PDE1A: variants seen among roughly 807,000 people sequenced by gnomAD.
The protein encoded by PDE1A is phosphodiesterase 1A, also known as dual specificity calcium/calmodulin-dependent 3',5'-cyclic nucleotide phosphodiesterase 1A.
PDE1A carries 35 observed loss-of-function variants against 61.7 expected under a neutral mutation model. The ratio of observed to expected loss-of-function variants is 0.57; its 90% confidence interval spans 0.43 to 0.75. The LOEUF (loss-of-function observed/expected upper bound fraction) is 0.75, where lower values mean the gene tolerates loss of function less well. Ranked by LOEUF, PDE1A falls within the 30% of genes least tolerant of loss-of-function variation. PDE1A has a pLI of 0.00. For synonymous variants in PDE1A, 232 were observed against 213.2 expected (o/e 1.09, Z -0.77); for missense variants, 597 against 630.6 (o/e 0.95, Z 0.57).
chr2:182,469,580 C>A (rs1686895493), intron 2 of PDE1A, among the ~76,000 whole-genome samples: 1 of 151,914 alleles, frequency 6.6e-6, no homozygotes, highest in Non-Finnish European at 1.5e-5. Flanking sequence ...CCTTATAATT[C>A]ATATGTTCAC....
the PDE1A span, among the ~76,000 whole-genome samples, chr2:182,582,147 TG>T: frequency 6.6e-6 from 1 of 152,308 alleles, no homozygotes; most frequent in African/African-American, 2.4e-5. Flanking sequence ...TAGGCCTTCC[TG>T]GCTTTAAATG....
intron 7 of PDE1A, among the ~76,000 whole-genome samples, chr2:182,208,485 AAAC>A (rs1271724855): frequency 6.6e-6 from 1 of 152,182 alleles, no homozygotes; most frequent in African/African-American, 2.4e-5. Context: ...CCCTCCCTCA[AAAC>A]ATGGGGATTA....
At chr2:182,533,188 G>A in the PDE1A span, among the ~76,000 whole-genome samples, 1 of 151,864 alleles carries the variant, frequency 6.6e-6, no homozygotes, top group Non-Finnish European at 1.5e-5. Flanking sequence ...GCGCATGCCT[G>A]TAATTCCAGC....
At chr2:182,177,018 G>C (rs1455637361) in intron 13 of PDE1A, among the ~76,000 whole-genome samples, 10 of 151,120 alleles carry the variant, frequency 6.6e-5, no homozygotes, top group Non-Finnish European at 1.5e-4. Context: ...AACCAGCCTT[G>C]CATCCCAGGG....
intron 1 of PDE1A, among the ~76,000 whole-genome samples, chr2:182,388,921 G>A (rs1366784218): frequency 6.6e-6 from 1 of 151,944 alleles, no homozygotes; most frequent in African/African-American, 2.4e-5. Flanking sequence ...GAAAAAAAGA[G>A]AGAAAACTCA....
chr2:182,569,809 G>T, the PDE1A span, among the ~76,000 whole-genome samples: 1 of 152,116 alleles, frequency 6.6e-6, no homozygotes, highest in Non-Finnish European at 1.5e-5. Flanking sequence ...TTAACATCTT[G>T]GTTCAATACA....
rs80085762 is a variant in PDE1A, at chr2:182,263,603, T to C, written c.167+698A>G. 4.6e-5 allele frequency among the ~76,000 whole-genome samples: 7 copies of C among 152,318 alleles called. No individual in the cohort carries two copies. The East Asian group carries it at 1.4e-3, about 29-fold the overall frequency. On this transcript the variant is annotated intron_variant, in intron 2 of 13. Coordinates refer to ENST00000351439, the Ensembl canonical transcript of PDE1A. ...GCTCTGAATTCACAGGTAGCCCTGA[T>C]TAGCCTGTCACTTTTATCCTTTTTG... is the stretch of plus-strand genomic sequence containing the variant.
intron 2 of PDE1A, among the ~76,000 whole-genome samples, chr2:182,493,154 C>T: frequency 6.6e-6 from 1 of 152,048 alleles, no homozygotes; most frequent in Non-Finnish European, 1.5e-5. Context: ...TTAGTCAAAG[C>T]ATGCCTTGCT....
chr2:182,336,308 C>G (rs1441697204), intron 1 of PDE1A, among the ~76,000 whole-genome samples: 1 of 152,156 alleles, frequency 6.6e-6, no homozygotes, highest in Non-Finnish European at 1.5e-5. Context: ...ACTATAAAGA[C>G]ACATGCACAC....
At chr2:182,467,359 T>A (rs1686742504) in intron 2 of PDE1A, among the ~76,000 whole-genome samples, 1 of 151,942 alleles carries the variant, frequency 6.6e-6, no homozygotes, top group African/African-American at 2.4e-5. Context: ...ATGAAGAACA[T>A]TTTTAAAAAT....
At chr2:182,583,504 T>A in the PDE1A span, among the ~76,000 whole-genome samples, 1 of 152,184 alleles carries the variant, frequency 6.6e-6, no homozygotes, top group African/African-American at 2.4e-5. Flanking sequence ...GTTGTAAACC[T>A]GCCTCCTGTC....
the PDE1A span, among the ~76,000 whole-genome samples, chr2:182,693,163 G>A: frequency 9.2e-5 from 14 of 152,140 alleles, 1 homozygote; most frequent in South Asian, 2.9e-3. Flanking sequence ...ATGAATCTTT[G>A]TTTCAAATTT....
chr2:182,375,367 G>T (rs1283710481), intron 1 of PDE1A, among the ~76,000 whole-genome samples: 2 of 152,170 alleles, frequency 1.3e-5, no homozygotes, highest in Non-Finnish European at 2.9e-5. Context: ...TACAGGTATT[G>T]GGTAAATAGA....
At chr2:182,519,603 T>C (rs1373502537) in intron 2 of PDE1A, among the ~76,000 whole-genome samples, 1 of 151,870 alleles carries the variant, frequency 6.6e-6, no homozygotes, top group Admixed American at 6.6e-5. Flanking sequence ...AGAAGCTCAA[T>C]AAAAGAAAAC....
chr2:182,681,719 C>T, the PDE1A span, among the ~76,000 whole-genome samples: 3 of 152,112 alleles, frequency 2.0e-5, no homozygotes, highest in East Asian at 1.9e-4. Context: ...GATCTGGGCT[C>T]ACTGCAAGCT....
intron 13 of PDE1A, among the ~76,000 whole-genome samples, chr2:182,179,237 T>G (rs931131529): frequency 1.3e-5 from 2 of 152,176 alleles, no homozygotes; most frequent in Admixed American, 1.3e-4. Context: ...ACACTAATAT[T>G]TAAAAAGTAT....
chr2:182,254,721 T>C (rs1691651596), intron 2 of PDE1A, among the ~76,000 whole-genome samples: 1 of 152,114 alleles, frequency 6.6e-6, no homozygotes, highest in Non-Finnish European at 1.5e-5. Context: ...GAACTGCCAA[T>C]CAAGGGCTTT....
chr2:182,163,554 C>T (rs1691498584), downstream of PDE1A, among the ~76,000 whole-genome samples: 1 of 152,268 alleles, frequency 6.6e-6, no homozygotes, highest in African/African-American at 2.4e-5. Flanking sequence ...TCCAACTAAA[C>T]TTCAGGGGCC....
At chr2:182,272,753 A>G (rs1231835776) in intron 1 of PDE1A, among the ~76,000 whole-genome samples, 1 of 152,140 alleles carries the variant, frequency 6.6e-6, no homozygotes, top group Non-Finnish European at 1.5e-5. Flanking sequence ...GAATGTTTGG[A>G]AATTCGTTTT....
Sources: gnomAD v4.1 joint callset for allele counts (sites outside exome capture counted in the v4.1 genomes callset) on GRCh38, gnomAD v4.1.1 for gene constraint, MANE v1.5 for transcripts, NCBI Gene and HGNC (gene_info 2026-07-23, HGNC 2026-07-21) for gene names.